The following PCNT variants were observed in gnomAD, a reference collection of about 807,000 sequenced individuals.
The protein encoded by PCNT is pericentrin.
PCNT carries 319 observed loss-of-function variants against 380.4 expected under a neutral mutation model. That is an observed-to-expected ratio of 0.84 (90% confidence interval 0.77 to 0.92). The LOEUF (loss-of-function observed/expected upper bound fraction) is 0.92, where lower values mean the gene tolerates loss of function less well. PCNT is among the 40% of genes least tolerant of loss of function. The pLI is 0.00. For missense variants in PCNT, 4,400 were observed against 4,255.3 expected, an observed-to-expected ratio of 1.03 and a Z score of -0.95; for synonymous variants, 1,845 against 1,735.2, an observed-to-expected ratio of 1.06 and a Z score of -1.57.
At chr21:46,397,957 T>A in intron 22 of PCNT, 57 bp from the exon 23 acceptor site, 4 of 1,401,672 alleles carry the variant, frequency 2.9e-6, no homozygotes, top group Non-Finnish European at 3.9e-6. Context: ...GGACCTTCGC[T>A]GCAAGGGGCA....
chr21:46,374,190 G>A (rs189557320), intron 15 of PCNT, among the ~76,000 whole-genome samples: 1 of 152,112 alleles, frequency 6.6e-6, no homozygotes, highest in African/African-American at 2.4e-5. Flanking sequence ...CCCCGGTCCC[G>A]CTGGTTAGTG....
At chr21:46,413,533 T>C (rs1412462602) in intron 29 of PCNT, among the ~76,000 whole-genome samples, 1 of 152,246 alleles carries the variant, frequency 6.6e-6, no homozygotes, top group East Asian at 1.9e-4. Flanking sequence ...TTGTGAAATT[T>C]CGTACGTGCT....
intron 34 of PCNT, among the ~76,000 whole-genome samples, chr21:46,428,149 T>A (rs2087588112): frequency 6.6e-6 from 1 of 152,138 alleles, no homozygotes; most frequent in Admixed American, 6.5e-5. Context: ...GGAAATCCTG[T>A]TCCTGCCAGC....
Position 46,415,404 on chromosome 21 carries a change from G to A in PCNT, c.6151-665G>A, listed in dbSNP as rs910581288. ...TTTTTTTTTTTTTTTTTGAGACAGA[G>A]TCTCGCTCTGTCGCCCAGGCTGGAG... On this transcript the variant is annotated intron_variant, in intron 29 of 46. Transcript: ENST00000359568. 3.7e-5 allele frequency among the ~76,000 whole-genome samples: 4 copies of A among 109,332 alleles called. No homozygotes were observed. The Admixed American group carries it at 5.6e-4, about 15-fold the overall frequency. 71.7% of individuals were successfully genotyped at this position (109,332 alleles called of 152,430 possible).
chr21:46,441,894 C>A (rs2053615445), intron 43 of PCNT, among the ~76,000 whole-genome samples: 1 of 152,134 alleles, frequency 6.6e-6, no homozygotes, highest in Non-Finnish European at 1.5e-5. Flanking sequence ...CTTGACAGGT[C>A]TTATGGAGGA....
chr21:46,374,110 A>G (rs2147043449), intron 15 of PCNT, among the ~76,000 whole-genome samples: 1 of 151,694 alleles, frequency 6.6e-6, no homozygotes, highest in Non-Finnish European at 1.5e-5. Context: ...GGTGGGATGT[A>G]CTCTTTATTT....
rs1266038739 is a variant in PCNT, at chr21:46,359,313, T to C, written c.2154+2122T>C. On this transcript the variant is annotated intron_variant, in intron 13 of 46. Transcript: ENST00000359568. ...TTCACAGGCCACCATTTTACCTCCT[T>C]ATATCAATTATGGGGAGAGGACTGT... Among the ~76,000 whole-genome samples, 20 of 144,882 alleles carry C rather than the reference T, an allele frequency of 1.4e-4. 3 individuals carry two copies. Among genetic ancestry groups the C allele is most frequent in the African/African-American group, 5.1e-4 (20 of 39,234 alleles).
At chr21:46,413,306 G>A (rs1216248264) in intron 29 of PCNT, among the ~76,000 whole-genome samples, 1 of 102,144 alleles carries the variant, frequency 9.8e-6, no homozygotes, top group Non-Finnish European at 2.0e-5. Flanking sequence ...GGGGAACGGG[G>A]AAGGCACGAG....
chr21:46,379,657 G>A lies in PCNT; in HGVS notation c.3166-2037G>A, dbSNP rs144685589. On this transcript the variant is annotated intron_variant, in intron 15 of 46. Transcript: ENST00000359568. ...TTTCTTTCTGTTCCCTGACTGGATC[G>A]TCTTAATTGACCTATCTTCCAGCGT... Among the ~76,000 whole-genome samples, 994 of 152,138 alleles carry A rather than the reference G, an allele frequency of 6.5e-3. 9 individuals are homozygous for A. The highest frequency in any genetic ancestry group is 0.011 in the Non-Finnish European group (753 of 68,020).
chr21:46,408,462 T>TA (rs1467493840), intron 27 of PCNT, among the ~76,000 whole-genome samples: 1 of 152,234 alleles, frequency 6.6e-6, no homozygotes, highest in Non-Finnish European at 1.5e-5. Context: ...TATTTAACCT[T>TA]AAAAGAAACT....
intron 14 of PCNT, among the ~76,000 whole-genome samples, chr21:46,365,482 G>A (rs1451027807): frequency 6.9e-6 from 1 of 144,092 alleles, no homozygotes; most frequent in African/African-American, 2.6e-5. Context: ...CTGCCGTGGG[G>A]TTCTGATCAC....
chr21:46,426,097 G>GATAC (rs2087492007), intron 33 of PCNT, 126 bp downstream of exon 33: 1 of 539,822 alleles, frequency 1.9e-6, no homozygotes. Context: ...TTTTTTTTTT[G>GATAC]AGACTCGGCT....
At chr21:46,373,602 A>G (rs1348337873) in intron 15 of PCNT, among the ~76,000 whole-genome samples, 2 of 133,838 alleles carry the variant, frequency 1.5e-5, no homozygotes, top group African/African-American at 2.9e-5. Flanking sequence ...TAATATTTGT[A>G]TTTTTAGTAG....
At chr21:46,437,188 C>G (rs1255667999) in intron 40 of PCNT, 107 bp downstream of exon 40, 4 of 744,694 alleles carry the variant, frequency 5.4e-6, no homozygotes, top group South Asian at 1.5e-5. Flanking sequence ...CTTCCTCCCT[C>G]GCTGCCTTCT....
chr21:46,353,848 C>T (rs970724736), intron 10 of PCNT, 139 bp from the exon 11 acceptor site: 35 of 751,330 alleles, frequency 4.7e-5, no homozygotes, highest in African/African-American at 6.9e-5. Context: ...CACGGCTCCC[C>T]GCACATGGAC....
chr21:46,439,617 G>A (rs1362997308), intron 41 of PCNT, among the ~76,000 whole-genome samples: 1 of 152,176 alleles, frequency 6.6e-6, no homozygotes, highest in Admixed American at 6.5e-5. Context: ...AGAAGCACAC[G>A]TTTGGTACAG....
rs1173381515 is a variant in PCNT at position 46,356,988 on chromosome 21, C to A, written c.1951C>A (p.His651Asn). The A allele has an allele frequency of 6.2e-7, 1 of 1,613,788 alleles. No homozygotes were observed. The highest frequency in any genetic ancestry group is 2.2e-5 in the East Asian group (1 of 44,890). Residue 651 changes from histidine to asparagine, a missense_variant, in exon 13 of 47, where the codon CAT becomes AAT. By Grantham distance (68) the His-to-Asn change is moderately conservative. Transcript: ENST00000359568. ...EGHSQELPWV[H>N]LQGVQDGDLE... ...TTTCCACACAGAGCTTCCCTGGGTG[C>A]ATCTCCAGGGTGTGCAGGACGGGGA...
chr21:46,349,648 T>A, intron 7 of PCNT, 36 bp from the exon 8 acceptor site: 4 of 1,608,188 alleles, frequency 2.5e-6, no homozygotes, highest in Non-Finnish European at 3.4e-6. Flanking sequence ...GAGAGTGATG[T>A]CTTGTAAACC....
At chr21:46,412,811 A>T in intron 28 of PCNT, 26 bp from the exon 29 acceptor site, 1 of 1,608,048 alleles carries the variant, frequency 6.2e-7, no homozygotes, top group Admixed American at 1.7e-5. Context: ...CTGCATGCTC[A>T]GCTTTCCTCT....
Sources: gnomAD v4.1 joint callset for allele counts (sites outside exome capture counted in the v4.1 genomes callset) on GRCh38, gnomAD v4.1.1 for gene constraint, MANE v1.5 for transcripts, NCBI Gene and HGNC (gene_info 2026-07-23, HGNC 2026-07-21) for gene names.